The following PGAM5 variants were observed in gnomAD, a reference collection of about 807,000 sequenced individuals.
PGAM5 encodes PGAM family member 5, mitochondrial serine/threonine protein phosphatase, also known as serine/threonine-protein phosphatase PGAM5, mitochondrial.
In PGAM5, 25 loss-of-function variants were observed where a neutral mutation model predicts 30.6. That is an observed-to-expected ratio of 0.82 (90% CI 0.60 to 1.14). The LOEUF (loss-of-function observed/expected upper bound fraction) is 1.14. PGAM5 is among the 50% of genes most tolerant of loss of function. The pLI is 0.00. For missense variants in PGAM5, 384 were observed against 408.5 expected (o/e 0.94, Z 0.52); for synonymous variants, 201 against 179.1 (o/e 1.12, Z -0.98).
In PGAM5 at chr12:132,717,448, A is replaced by C; in HGVS notation, c.380A>C (p.Gln127Pro). Residue 127 changes from glutamine to proline, a missense_variant, in exon 3 of 6, where the codon CAG (glutamine) becomes CCG (proline). By Grantham distance (76) the Gln-to-Pro change is moderately conservative. Transcript: ENST00000498926. ...DRTLTPLGRE[Q>P]AELTGLRLAS... ...GCCTTTCACCTTCCAGGTCGGGAGC[A>C]GGCTGAACTCACTGGGCTCCGCCTG... The C allele has an allele frequency of 6.2e-7, 1 of 1,606,158 alleles. No homozygotes were observed.
Position 132,710,969 on chromosome 12 carries a change from G to A in PGAM5, c.93G>A (p.Pro31=), listed in dbSNP as rs1470864300. Reference sequence around the variant, plus strand: ...TCTCGGCCGTGGCGGTAGGGAAGCCGCGCGCAGGCGGGGACGCGGAGCCAC... The same window carrying A: ...TCTCGGCCGTGGCGGTAGGGAAGCCACGCGCAGGCGGGGACGCGGAGCCAC... The part of the protein sequence containing the change: ...VLFSAVAVGK[P]RAGGDAEPRP... The change falls in exon 1 of 6, where the codon CCG becomes CCA. Residue 31 remains proline (P), a synonymous_variant. Coordinates refer to ENST00000498926, the MANE Select transcript of PGAM5 (RefSeq NM_001170543.2). 8.4e-6 allele frequency: 10 copies of A among 1,189,554 alleles called. No homozygotes were observed. Among genetic ancestry groups the A allele is most frequent in the Admixed American group, 4.5e-5 (1 of 22,292 alleles). The allele number at this position is 1,189,554 out of a possible 1,614,324, so 73.7% of individuals were successfully genotyped here.
chr12:132,717,445 A>G lies in PGAM5; in HGVS notation c.377A>G (p.Glu126Gly). 1 of 1,604,862 alleles carries G rather than the reference A, an allele frequency of 6.2e-7. No homozygotes were observed. Among genetic ancestry groups the G allele is most frequent in the South Asian group, 1.1e-5 (1 of 91,044 alleles). Residue 126 changes from glutamate to glycine, a missense_variant, in exon 3 of 6, where the codon GAG becomes GGG. Physicochemically the swap from Glu to Gly is moderately conservative, Grantham distance 98. Transcript: ENST00000498926. ...KDRTLTPLGR[E>G]QAELTGLRLA... is the part of the protein sequence containing the mutation. Reference sequence around the variant, plus strand: ...GGTGCCTTTCACCTTCCAGGTCGGGAGCAGGCTGAACTCACTGGGCTCCGC... The same window carrying G: ...GGTGCCTTTCACCTTCCAGGTCGGGGGCAGGCTGAACTCACTGGGCTCCGC...
intron 4 of PGAM5, 42 bp from the exon 5 acceptor site, chr12:132,717,945 C>A (rs1380962605): frequency 1.2e-6 from 2 of 1,609,938 alleles, no homozygotes; most frequent in African/African-American, 2.7e-5. Flanking sequence ...ACCCGCCCTG[C>A]CCGAGCACTT....
At chr12:132,718,286 G>T (rs2043604054) in intron 5 of PGAM5, among the ~76,000 whole-genome samples, 166 bp downstream of exon 5, 2 of 150,434 alleles carry the variant, frequency 1.3e-5, no homozygotes, top group African/African-American at 4.9e-5. Context: ...TTACGCGGTA[G>T]GTGGCGTGTT....
rs748590092 is a variant in PGAM5, at chr12:132,717,735, G to T, written c.522G>T (p.Leu174=). ...LPGVCKVSTD[L]LREGAPIEPD... ...GCGTCTGCAAAGTCAGCACAGATCT[G>T]CTGCGGGAAGGCGCCCCCATCGAGC... The change falls in exon 4 of 6, where the codon CTG becomes CTT. Residue 174 remains leucine, a synonymous_variant. Coordinates refer to ENST00000498926, the MANE Select transcript of PGAM5 (RefSeq NM_001170543.2). 1.3e-6 allele frequency: 2 copies of T among 1,580,638 alleles called. No individual in the cohort carries two copies. The highest frequency in any genetic ancestry group is 1.7e-6 in the Non-Finnish European group (2 of 1,163,604).
intron 2 of PGAM5, among the ~76,000 whole-genome samples, chr12:132,716,244 C>G (rs554479739): frequency 6.6e-6 from 1 of 152,218 alleles, no homozygotes; most frequent in South Asian, 2.1e-4. Context: ...CGCTGCCACT[C>G]CCAGCTATTT....
Position 132,714,987 on chromosome 12 carries a change from G to C in PGAM5, c.321G>C (p.Gln107His). The change falls in exon 2 of 6, where the codon CAG (glutamine) becomes CAC (histidine). Residue 107 changes from glutamine to histidine, a missense_variant. Transcript: ENST00000498926. Reference sequence around the variant, plus strand: ...ACATCTTCCTCATCAGGCATTCCCAGTACCACGTGGATGGCTCCCTGGAGA... The same window carrying C: ...ACATCTTCCTCATCAGGCATTCCCACTACCACGTGGATGGCTCCCTGGAGA... Reference protein sequence around the residue: ...TRHIFLIRHSQYHVDGSLEKD... With the variant: ...TRHIFLIRHSHYHVDGSLEKD... 3.1e-6 allele frequency: 5 copies of C among 1,613,360 alleles called. No homozygotes were observed. Among genetic ancestry groups the C allele is most frequent in the Non-Finnish European group, 4.2e-6 (5 of 1,179,980 alleles).
At chr12:132,720,636 C>T in intron 5 of PGAM5, 42 bp from the exon 6 acceptor site, 3 of 1,517,724 alleles carry the variant, frequency 2.0e-6, no homozygotes, top group Non-Finnish European at 2.6e-6. Context: ...ACAGAGCCCC[C>T]TGGCTCTAAC....
chr12:132,718,145 G>A, intron 5 of PGAM5, 25 bp downstream of exon 5: 6 of 1,611,392 alleles, frequency 3.7e-6, no homozygotes, highest in African/African-American at 1.3e-5. Flanking sequence ...GGCTGGGCGT[G>A]GTCTAAAATA....
chr12:132,720,872 C>G lies in PGAM5; in HGVS notation c.*44C>G, dbSNP rs1457165746. On this transcript the variant is annotated 3_prime_UTR_variant, in exon 6 of 6. Coordinates refer to ENST00000498926, the MANE Select transcript of PGAM5 (RefSeq NM_001170543.2). ...CCCTCTGTCCTCCCTGCACAGGCCG[C>G]ACACACTTAACGTTTTGTTCCCAAG... 7 of 1,518,324 alleles carry G rather than the reference C, an allele frequency of 4.6e-6. No homozygotes were observed. The highest frequency in any genetic ancestry group is 1.8e-6 in the Non-Finnish European group (2 of 1,135,674). The allele number at this position is 1,518,324 out of a possible 1,614,324, so 94.1% of individuals were successfully genotyped here.
rs763591610 is a variant in PGAM5 at position 132,717,515 on chromosome 12, T to C, written c.447T>C (p.Ser149=). ...GLKFNKIVHS[S]MTRAIETTDI... ...AGTTTAATAAAATCGTCCATTCGTC[T>C]ATGACGCGCGCCATAGAGACCACCG... Residue 149 remains serine (S), a synonymous_variant, in exon 3 of 6, where the codon TCT becomes TCC. Coordinates refer to ENST00000498926, the MANE Select transcript of PGAM5 (RefSeq NM_001170543.2). 3.7e-6 allele frequency: 6 copies of C among 1,611,120 alleles called. No homozygotes were observed. The East Asian group carries it at 1.1e-4, about 30-fold the overall frequency.
At position 132,710,995 on chromosome 12, in the gene PGAM5, G is replaced by T; in HGVS notation, c.119G>T (p.Arg40Leu). Residue 40 changes from arginine (R) to leucine (L), a missense_variant, in exon 1 of 6, where the codon CGC becomes CTC. By Grantham distance (102) the Arg-to-Leu change is moderately radical (BLOSUM62 -2). Coordinates refer to ENST00000498926, the MANE Select transcript of PGAM5 (RefSeq NM_001170543.2). ...CGCGCAGGCGGGGACGCGGAGCCACGCCCGGCTGAGCCGCCGGCCTGGGCG... is the reference window on the plus strand; with the variant it reads ...CGCGCAGGCGGGGACGCGGAGCCACTCCCGGCTGAGCCGCCGGCCTGGGCG... ...KPRAGGDAEP[R>L]PAEPPAWAGG... 1 of 1,203,712 alleles carries T rather than the reference G, an allele frequency of 8.3e-7. No individual in the cohort carries two copies. The highest frequency in any genetic ancestry group is 1.0e-6 in the Non-Finnish European group (1 of 970,330). The allele number at this position is 1,203,712 out of a possible 1,614,324, so 74.6% of individuals were successfully genotyped here. A position where few individuals can be genotyped will look rare whatever the true frequency, so the allele number is the denominator to read the frequency against.
intron 2 of PGAM5, among the ~76,000 whole-genome samples, chr12:132,716,417 G>C (rs1319925742): frequency 6.6e-6 from 1 of 151,176 alleles, no homozygotes; most frequent in Non-Finnish European, 1.5e-5. Flanking sequence ...TTTTAGTAGA[G>C]ATGGGGTTTC....
At chr12:132,717,864 G>T (rs2043598218) in intron 4 of PGAM5, 66 bp downstream of exon 4, 3 of 1,590,568 alleles carry the variant, frequency 1.9e-6, no homozygotes, top group African/African-American at 2.7e-5. Flanking sequence ...GCCCTGCTGG[G>T]CTCACCATCC....
At chr12:132,714,219 T>C (rs956846810) in intron 1 of PGAM5, among the ~76,000 whole-genome samples, 2 of 152,142 alleles carry the variant, frequency 1.3e-5, no homozygotes, top group Non-Finnish European at 2.9e-5. Flanking sequence ...AATTTCACCA[T>C]GTTGGCCAGG....
Position 132,720,792 on chromosome 12 carries a change from G to C in PGAM5, c.834G>C (p.Thr278=), listed in dbSNP as rs575945264. ...GRVALRTLGD[T]GFMPPDKITR... ...TTGCGCTCAGGACCCTCGGGGACAC[G>C]GGGTTCATGCCTCCCGACAAGATCA... The change falls in exon 6 of 6, where the codon ACG becomes ACC. Residue 278 remains threonine (T), a synonymous_variant. Transcript: ENST00000498926. 5.5e-5 allele frequency: 84 copies of C among 1,536,456 alleles called. No homozygotes were observed. The highest frequency in any genetic ancestry group is 9.8e-5 in the Admixed American group (5 of 50,990).
rs1034659693 is a variant in PGAM5, at chr12:132,722,350, A to C, written c.*1522A>C. The C allele has an allele frequency of 2.0e-5, 3 of 151,240 alleles. No homozygotes were observed. The highest frequency in any genetic ancestry group is 2.9e-5 in the Non-Finnish European group (2 of 67,900). 9.4% of individuals were successfully genotyped at this position (151,240 alleles called of 1,614,324 possible). On this transcript the variant is annotated 3_prime_UTR_variant, in exon 6 of 6. Coordinates refer to ENST00000498926, the MANE Select transcript of PGAM5 (RefSeq NM_001170543.2). ...ACTGCAACCTCTGCCTCCTGGGTTC[A>C]AACGATTCTCCTGCCTCAGCCTCCC...
rs1044759875 is a variant in PGAM5 at position 132,718,660 on chromosome 12, G to A, written c.719+540G>A. 1.4e-5 allele frequency: 18 copies of A among 1,293,900 alleles called. No individual in the cohort carries two copies. The African/African-American group carries it at 1.9e-4, about 14-fold the overall frequency. 80.2% of individuals were successfully genotyped at this position (1,293,900 alleles called of 1,614,324 possible). On this transcript the variant is annotated intron_variant, in intron 5 of 5. Coordinates refer to ENST00000498926, the MANE Select transcript of PGAM5 (RefSeq NM_001170543.2). ...GGGTCCTGGGTACGGTGCATGCTGG[G>A]CGTCCGCACTGCCCTGGTTGTTTTC...
intron 2 of PGAM5, among the ~76,000 whole-genome samples, chr12:132,716,286 C>T (rs1489572412): frequency 2.0e-5 from 3 of 152,078 alleles, no homozygotes; most frequent in Admixed American, 6.6e-5. Context: ...GGGGTTTCAC[C>T]GTGTTAGCCA....
Sources: gnomAD v4.1 joint callset for allele counts (sites outside exome capture counted in the v4.1 genomes callset) on GRCh38, gnomAD v4.1.1 for gene constraint, MANE v1.5 for transcripts, NCBI Gene and HGNC (gene_info 2026-07-23, HGNC 2026-07-21) for gene names.